DOCK10: variants seen among roughly 807,000 people sequenced by gnomAD.
DOCK10 encodes dedicator of cytokinesis 10, also known as dedicator of cytokinesis protein 10.
Under a neutral mutation model 280.1 loss-of-function variants are expected in DOCK10, and 145 were observed. The observed-to-expected ratio is 0.52, with a 90% CI of 0.45 to 0.59. DOCK10 has a LOEUF of 0.59. Ranked by LOEUF, DOCK10 falls within the 20% of genes least tolerant of loss-of-function variation. The pLI is 0.00. For missense variants in DOCK10, 2,368 were observed against 2,651.7 expected (o/e 0.89, Z 2.35); for synonymous variants, 915 against 942.2 (o/e 0.97, Z 0.53).
intron 1 of DOCK10, among the ~76,000 whole-genome samples, chr2:224,947,544 T>G (rs1386459071): frequency 6.6e-6 from 1 of 152,218 alleles, no homozygotes; most frequent in Non-Finnish European, 1.5e-5. Flanking sequence ...AATAAAGAAA[T>G]TATGCTTGAC....
chr2:224,817,881 T>C (rs771124086), intron 29 of DOCK10, among the ~76,000 whole-genome samples: 22 of 152,244 alleles, frequency 1.4e-4, no homozygotes, highest in Non-Finnish European at 2.9e-4. Flanking sequence ...GATTTATTTT[T>C]GGCTGGTCTA....
chr2:224,816,954 G>A (rs571218798), intron 29 of DOCK10, among the ~76,000 whole-genome samples: 1 of 152,314 alleles, frequency 6.6e-6, no homozygotes, highest in African/African-American at 2.4e-5. Flanking sequence ...TAACCTACAT[G>A]TAGCTTCTAT....
intron 1 of DOCK10, among the ~76,000 whole-genome samples, chr2:224,959,439 T>A (rs202151444): frequency 8.3e-5 from 2 of 24,014 alleles, no homozygotes; most frequent in South Asian, 9.3e-4. Context: ...ATTATTTTCT[T>A]TTTTTTTTTT....
chr2:225,004,005 C>G (rs1706507345), intron 1 of DOCK10, among the ~76,000 whole-genome samples: 1 of 152,188 alleles, frequency 6.6e-6, no homozygotes, highest in South Asian at 2.1e-4. Context: ...GATAACATTT[C>G]TTGACTGTGT....
rs529656470 is a variant in DOCK10 at position 225,018,513 on chromosome 2, TTA to T, written c.123+23737_123+23738del. On this transcript the variant is annotated intron_variant, in intron 1 of 55. Coordinates refer to ENST00000258390, the MANE Select transcript of DOCK10 (RefSeq NM_014689.3). ...ATATATATATAATATATATGTAATA[TTA>T]TATATATATAATATATATGTAATAT... 3.8e-4 allele frequency among the ~76,000 whole-genome samples: 42 copies of T among 109,346 alleles called. 4 individuals carry two copies. Among genetic ancestry groups the T allele is most frequent in the African/African-American group, 2.0e-3 (42 of 21,344 alleles). 71.7% of individuals were successfully genotyped at this position (109,346 alleles called of 152,430 possible).
chr2:224,923,339 T>C (rs1701873176), intron 2 of DOCK10, among the ~76,000 whole-genome samples: 1 of 152,218 alleles, frequency 6.6e-6, no homozygotes, highest in East Asian at 1.9e-4. Flanking sequence ...GACAAACTAC[T>C]GAGCCAGTCA....
At chr2:225,000,364 T>G (rs980387701) in intron 1 of DOCK10, among the ~76,000 whole-genome samples, 4 of 152,230 alleles carry the variant, frequency 2.6e-5, no homozygotes, top group Admixed American at 6.5e-5. Flanking sequence ...GATCTCCTAG[T>G]ATCTATAAAC....
chr2:224,935,480 G>A (rs577559003), intron 1 of DOCK10, among the ~76,000 whole-genome samples: 7 of 152,200 alleles, frequency 4.6e-5, no homozygotes, highest in African/African-American at 1.4e-4. Flanking sequence ...TCTATGTTAC[G>A]ATGCAACAGA....
intron 4 of DOCK10, among the ~76,000 whole-genome samples, chr2:224,894,746 G>A (rs1228070109): frequency 6.6e-6 from 1 of 152,170 alleles, no homozygotes; most frequent in Non-Finnish European, 1.5e-5. Flanking sequence ...TTGCAGTTTA[G>A]AAGGGACATA....
At chr2:224,961,414 C>CTT (rs1466333487) in intron 1 of DOCK10, among the ~76,000 whole-genome samples, 5 of 82,990 alleles carry the variant, frequency 6.0e-5, no homozygotes, top group African/African-American at 2.1e-4. Flanking sequence ...CTTTCTTTCT[C>CTT]TTTCTTTCTT....
At chr2:225,035,593 TGA>T (rs2106138841) in intron 1 of DOCK10, among the ~76,000 whole-genome samples, 1 of 107,252 alleles carries the variant, frequency 9.3e-6, no homozygotes, top group African/African-American at 3.4e-5. Context: ...TATATAACAC[TGA>T]ATCAGTGTTA....
At chr2:224,896,973 G>A (rs1482575852) in intron 3 of DOCK10, among the ~76,000 whole-genome samples, 1 of 152,128 alleles carries the variant, frequency 6.6e-6, no homozygotes, top group Non-Finnish European at 1.5e-5. Context: ...AATTGCCCCT[G>A]AATCCTACCA....
rs1693364847 is a variant in DOCK10, at chr2:224,805,850, A to G, written c.3814+276T>C. 6.6e-6 allele frequency among the ~76,000 whole-genome samples: 1 copy of G among 152,182 alleles called. No homozygotes were observed. The highest frequency in any genetic ancestry group is 2.4e-5 in the African/African-American group (1 of 41,446). On this transcript the variant is annotated intron_variant, in intron 34 of 55. Coordinates refer to ENST00000258390, the MANE Select transcript of DOCK10 (RefSeq NM_014689.3). The surrounding 1 kb of genome is among the most constrained non-coding windows in gnomAD (Gnocchi z 4.3). ...ATTATATCTTAAAAGGCTGTCTGCA[A>G]TGAAAACTTAAAGACGGTTTCCAGA...
chr2:224,921,934 T>C (rs1345929521), intron 2 of DOCK10, among the ~76,000 whole-genome samples: 4 of 151,796 alleles, frequency 2.6e-5, no homozygotes, highest in Non-Finnish European at 1.5e-5. Context: ...ACCCCGTCTC[T>C]ACTAAAAATA....
At chr2:224,932,512 A>G (rs942963346) in intron 1 of DOCK10, among the ~76,000 whole-genome samples, 13 of 152,084 alleles carry the variant, frequency 8.5e-5, no homozygotes, top group Non-Finnish European at 1.9e-4. Context: ...AAAACCAAAA[A>G]CACAATCTGC....
At chr2:224,878,773 A>G (rs1698793272) in intron 7 of DOCK10, among the ~76,000 whole-genome samples, 1 of 152,218 alleles carries the variant, frequency 6.6e-6, no homozygotes, top group Non-Finnish European at 1.5e-5. Flanking sequence ...ATTACCATCA[A>G]GTATTATTTA....
intron 1 of DOCK10, among the ~76,000 whole-genome samples, chr2:224,932,016 A>G (rs1702413750): frequency 6.6e-6 from 1 of 152,158 alleles, no homozygotes; most frequent in African/African-American, 2.4e-5. Flanking sequence ...CTTACTTGCT[A>G]CGGTATTATG....
chr2:224,882,460 C>T (rs1288607232), intron 7 of DOCK10, among the ~76,000 whole-genome samples: 4 of 152,108 alleles, frequency 2.6e-5, no homozygotes, highest in Admixed American at 1.3e-4. Flanking sequence ...CAGTCATAAA[C>T]ATTACCTAAA....
chr2:225,006,718 A>C (rs1689274812), intron 1 of DOCK10, among the ~76,000 whole-genome samples: 3 of 152,260 alleles, frequency 2.0e-5, no homozygotes, highest in Admixed American at 6.5e-5. Flanking sequence ...GGAGCAAGGA[A>C]GGAATAAACA....
Sources: allele counts gnomAD v4.1 joint callset (sites outside exome capture counted in the v4.1 genomes callset), GRCh38; gene constraint gnomAD v4.1.1; non-coding constraint Gnocchi (gnomAD v3.1); transcripts MANE v1.5; gene names NCBI Gene and HGNC (gene_info 2026-07-23, HGNC 2026-07-21).